The following KCNH8 variants were observed in gnomAD, a reference collection of about 807,000 sequenced individuals.
KCNH8 encodes the protein voltage-gated delayed rectifier potassium channel KCNH8.
KCNH8 carries 70 observed loss-of-function variants against 103.6 expected under a neutral mutation model. That is an observed-to-expected ratio of 0.68 (90% CI 0.56 to 0.82). The LOEUF (loss-of-function observed/expected upper bound fraction) is 0.82. KCNH8 is among the 40% of genes least tolerant of loss of function. The pLI is 0.00. For missense variants in KCNH8, 1,217 were observed against 1,329.9 expected, an observed-to-expected ratio of 0.92 and a Z score of 1.32; for synonymous variants, 498 against 489.4, an observed-to-expected ratio of 1.02 and a Z score of -0.23.
At chr3:19,274,771 AG>A (rs2064638571) in intron 2 of KCNH8, among the ~76,000 whole-genome samples, 2 of 151,000 alleles carry the variant, frequency 1.3e-5, no homozygotes, top group Non-Finnish European at 2.9e-5. Context: ...AAATGAAAAG[AG>A]GATTAAAAAC....
chr3:19,256,033 C>G (rs1485536074), intron 2 of KCNH8, among the ~76,000 whole-genome samples: 1 of 152,114 alleles, frequency 6.6e-6, no homozygotes, highest in Non-Finnish European at 1.5e-5. Context: ...AAATTGTACT[C>G]TAACACAGGG....
chr3:19,155,147 C>T (rs1447985769), intron 1 of KCNH8, among the ~76,000 whole-genome samples: 1 of 152,186 alleles, frequency 6.6e-6, no homozygotes, highest in Non-Finnish European at 1.5e-5. Context: ...CCCAAATGAA[C>T]TAATAATCTT....
intron 10 of KCNH8, among the ~76,000 whole-genome samples, chr3:19,451,834 G>A (rs2067452759): frequency 1.3e-5 from 2 of 152,064 alleles, no homozygotes; most frequent in Non-Finnish European, 2.9e-5. Context: ...ACTAGAAATA[G>A]AGCAAAGGTG....
chr3:19,284,691 T>C (rs2125276679), intron 3 of KCNH8, among the ~76,000 whole-genome samples: 2 of 152,170 alleles, frequency 1.3e-5, no homozygotes, highest in Middle Eastern at 6.8e-3. Flanking sequence ...TACTTCTATG[T>C]TCATGTCAAG....
chr3:19,497,535 T>C (rs1460694792), intron 11 of KCNH8, among the ~76,000 whole-genome samples: 1 of 152,188 alleles, frequency 6.6e-6, no homozygotes, highest in East Asian at 1.9e-4. Context: ...TTAATTTCCA[T>C]GTAACTGTAT....
At chr3:19,369,598 T>C (rs1412156121) in intron 5 of KCNH8, among the ~76,000 whole-genome samples, 2 of 152,016 alleles carry the variant, frequency 1.3e-5, no homozygotes, top group Non-Finnish European at 2.9e-5. Context: ...CAGCTATCTA[T>C]AGGATATCAT....
chr3:19,501,090 G>T (rs894822319), intron 11 of KCNH8, among the ~76,000 whole-genome samples: 1 of 151,864 alleles, frequency 6.6e-6, no homozygotes, highest in Non-Finnish European at 1.5e-5. Context: ...AATGATAAAG[G>T]GGATATCACC....
intron 6 of KCNH8, among the ~76,000 whole-genome samples, chr3:19,394,588 T>C (rs2066487156): frequency 1.3e-5 from 2 of 152,070 alleles, no homozygotes; most frequent in South Asian, 4.1e-4. Flanking sequence ...TACTGGTACT[T>C]GTGGGCAGAA....
chr3:19,401,905 T>G (rs2066618492), intron 7 of KCNH8, among the ~76,000 whole-genome samples: 4 of 151,948 alleles, frequency 2.6e-5, no homozygotes, highest in Admixed American at 2.6e-4. Context: ...GGAGTTAATA[T>G]GATTTCAAGT....
intron 11 of KCNH8, among the ~76,000 whole-genome samples, chr3:19,505,301 C>T (rs780659352): frequency 2.6e-5 from 4 of 151,714 alleles, no homozygotes; most frequent in Admixed American, 2.0e-4. Flanking sequence ...CTGAGACCTA[C>T]CAGAGGGTGA....
At chr3:19,428,293 C>A (rs947743022) in intron 7 of KCNH8, among the ~76,000 whole-genome samples, 2 of 152,106 alleles carry the variant, frequency 1.3e-5, no homozygotes, top group Admixed American at 6.5e-5. Context: ...CAAAACAAAT[C>A]AATGCCAGAA....
intron 4 of KCNH8, 79 bp downstream of exon 4, chr3:19,342,793 A>AT: frequency 7.3e-7 from 1 of 1,375,530 alleles, no homozygotes; most frequent in Non-Finnish European, 9.9e-7. Context: ...AAAGGCCTCA[A>AT]TTACCCATTT....
intron 5 of KCNH8, among the ~76,000 whole-genome samples, chr3:19,384,605 A>T (rs951639394): frequency 6.6e-6 from 1 of 152,186 alleles, no homozygotes; most frequent in African/African-American, 2.4e-5. Context: ...ATAATTCTAA[A>T]CACATTAGAA....
At chr3:19,225,889 T>A (rs530182818) in intron 1 of KCNH8, among the ~76,000 whole-genome samples, 1 of 152,228 alleles carries the variant, frequency 6.6e-6, no homozygotes, top group Non-Finnish European at 1.5e-5. Context: ...CTATTTTGGC[T>A]GGTGTGCTAG....
intron 11 of KCNH8, among the ~76,000 whole-genome samples, chr3:19,490,493 G>A (rs1048160133): frequency 6.6e-6 from 1 of 152,176 alleles, no homozygotes; most frequent in Admixed American, 6.5e-5. Context: ...ACAGGACAGG[G>A]ATTTTCACAG....
At position 19,253,480 on chromosome 3, in the gene KCNH8, C is replaced by A. The variant is rs139593993; in HGVS notation, c.77-174C>A. Among the ~76,000 whole-genome samples the A allele has an allele frequency of 2.9e-3, 438 of 152,116 alleles. 3 individuals are homozygous for A. Among genetic ancestry groups the A allele is most frequent in the African/African-American group, 0.01 (420 of 41,500 alleles). ...AGCCTAAGTCAGAACTTAATGCATA[C>A]TTCTGCTGGTCAAGTCCATTTTATG... On this transcript the variant is annotated intron_variant, in intron 1 of 15. Coordinates refer to ENST00000328405, the MANE Select transcript of KCNH8 (RefSeq NM_144633.3).
chr3:19,203,595 G>A (rs1367743647), intron 1 of KCNH8, among the ~76,000 whole-genome samples: 11 of 151,858 alleles, frequency 7.2e-5, no homozygotes, highest in Admixed American at 7.2e-4. Context: ...AAGTTTGCAG[G>A]TAGTTTTATA....
At chr3:19,282,876 C>A (rs748720124) in intron 3 of KCNH8, among the ~76,000 whole-genome samples, 3 of 152,074 alleles carry the variant, frequency 2.0e-5, no homozygotes, top group Non-Finnish European at 4.4e-5. Context: ...CAAAATATCA[C>A]CTTTATTTTT....
At chr3:19,443,761 A>G (rs1403564591) in intron 8 of KCNH8, among the ~76,000 whole-genome samples, 1 of 152,010 alleles carries the variant, frequency 6.6e-6, no homozygotes, top group Non-Finnish European at 1.5e-5. Context: ...TTGCATTTCT[A>G]TATACTAGTA....
Sources: allele counts gnomAD v4.1 joint callset (sites outside exome capture counted in the v4.1 genomes callset), GRCh38; gene constraint gnomAD v4.1.1; transcripts MANE v1.5; gene names NCBI Gene and HGNC (gene_info 2026-07-23, HGNC 2026-07-21).